NF1: variants seen among roughly 807,000 people sequenced by gnomAD.
The protein encoded by NF1 is neurofibromin 1.
Under a neutral mutation model 325.7 loss-of-function variants are expected in NF1, and 122 were observed. That is an observed-to-expected ratio of 0.37 (90% CI 0.32 to 0.44). NF1 has a LOEUF of 0.44. Among genes scored for constraint, NF1 ranks in the 20% least tolerant of loss-of-function variants. The pLI, the probability that NF1 is intolerant of heterozygous loss-of-function variation, is 1.00. For missense variants in NF1, 2,140 were observed against 3,415.4 expected, an observed-to-expected ratio of 0.63 and a Z score of 9.31; for synonymous variants, 1,091 against 1,186.0, an observed-to-expected ratio of 0.92 and a Z score of 1.65.
rs1343998513 is a variant in NF1, at chr17:31,095,142, G to A, written c.-168G>A. On this transcript the variant is annotated 5_prime_UTR_variant, in exon 1 of 58. Coordinates refer to ENST00000358273, the MANE Select transcript of NF1 (RefSeq NM_001042492.3). ...CGCCCCCTTTCCCTCTCCCCCTCCC[G>A]CTCGGCGCTGACCCCCCATCCCCAC... is the stretch of plus-strand genomic sequence containing the variant. 2 of 143,240 alleles carry A rather than the reference G, an allele frequency of 1.4e-5. No individual in the cohort carries two copies. Among genetic ancestry groups the A allele is most frequent in the South Asian group, 8.4e-5 (1 of 11,948 alleles). The allele number at this position is 143,240 out of a possible 1,614,324, so 8.9% of individuals were successfully genotyped here.
Position 31,326,063 on chromosome 17 carries a change from T to C in NF1, c.5079T>C (p.His1693=), listed in dbSNP as rs1555533365. The C allele has an allele frequency of 6.2e-7, 1 of 1,614,144 alleles. No homozygotes were observed. Among genetic ancestry groups the C allele is most frequent in the Non-Finnish European group, 8.5e-7 (1 of 1,179,988 alleles). Residue 1693 remains histidine (H), a synonymous_variant, in exon 37 of 58, where the codon CAT becomes CAC. Transcript: ENST00000358273. ...NSWVREYTKY[H]ERLLTGLKGS... ...GGGTCAGGGAGTACACCAAGTATCA[T>C]GAGCGGCTGCTGACTGGCCTCAAAG...
chr17:31,096,513 G>T (rs973943827), intron 1 of NF1, among the ~76,000 whole-genome samples: 2 of 152,180 alleles, frequency 1.3e-5, no homozygotes, highest in African/African-American at 4.8e-5. Context: ...AGGTAGTTGG[G>T]GATGGTTTAA....
chr17:31,181,672 A>G (rs190502576), intron 6 of NF1, 38 bp from the exon 7 acceptor site: 5 of 1,487,368 alleles, frequency 3.4e-6, no homozygotes, highest in Admixed American at 3.3e-5. Flanking sequence ...CTGTATTACA[A>G]AAAATCACTG....
chr17:31,222,001 C>T lies in NF1; in HGVS notation c.1721+72C>T, dbSNP rs369651443. Reference sequence around the variant, plus strand: ...GTATTTTTGTCTTGAAATATTAACTCTGTAGTACTTAGTACATTGTAAAAC... The same window carrying T: ...GTATTTTTGTCTTGAAATATTAACTTTGTAGTACTTAGTACATTGTAAAAC... On this transcript the variant is annotated intron_variant, in intron 15 of 57. Transcript: ENST00000358273. 2,186 of 1,485,772 alleles carry T rather than the reference C, an allele frequency of 1.5e-3. 4 individuals carry two copies. Among genetic ancestry groups the T allele is most frequent in the Non-Finnish European group, 1.8e-3 (1,977 of 1,113,370 alleles). The allele number at this position is 1,485,772 out of a possible 1,614,324, so 92.0% of individuals were successfully genotyped here. A position where few individuals can be genotyped will look rare whatever the true frequency, so the allele number is the denominator to read the frequency against.
At position 31,358,614 on chromosome 17, in the gene NF1, A is replaced by T. The variant is rs201824349; in HGVS notation, c.8105A>T (p.Tyr2702Phe). ...EESPPQYQTS[Y>F]LQSFGFNGLW... Reference sequence around the variant, plus strand: ...TCCCCACCACAATACCAAACATCTTACCTGCAAAGTAAATAAATGTATCTG... The same window carrying T: ...TCCCCACCACAATACCAAACATCTTTCCTGCAAAGTAAATAAATGTATCTG... The change falls in exon 55 of 58, where the codon TAC becomes TTC. Residue 2702 changes from tyrosine (Y) to phenylalanine (F), a missense_variant. Transcript: ENST00000358273. The T allele has an allele frequency of 8.1e-5, 130 of 1,613,916 alleles. No homozygotes were observed. Among genetic ancestry groups the T allele is most frequent in the Non-Finnish European group, 1.9e-5 (22 of 1,179,956 alleles).
At chr17:31,265,756 C>G (rs1359460419) in intron 36 of NF1, among the ~76,000 whole-genome samples, 2 of 151,996 alleles carry the variant, frequency 1.3e-5, no homozygotes, top group African/African-American at 4.8e-5. Flanking sequence ...TGTAAGACAG[C>G]ATCAGGATGA....
intron 1 of NF1, among the ~76,000 whole-genome samples, chr17:31,120,783 A>AT (rs1179165727): frequency 1.4e-5 from 2 of 147,058 alleles, no homozygotes; most frequent in African/African-American, 5.4e-5. Flanking sequence ...AACTTAAAGT[A>AT]TTTAAAAAAA....
At chr17:31,215,713 G>A (rs1388474609) in intron 13 of NF1, among the ~76,000 whole-genome samples, 1 of 152,166 alleles carries the variant, frequency 6.6e-6, no homozygotes, top group Non-Finnish European at 1.5e-5. Context: ...CCTTTGTTGA[G>A]CTTCTTCAGT....
At chr17:31,205,681 C>A (rs565632493) in intron 11 of NF1, among the ~76,000 whole-genome samples, 3 of 152,128 alleles carry the variant, frequency 2.0e-5, no homozygotes, top group African/African-American at 7.2e-5. Context: ...GTCATCATTG[C>A]ATATCAATTT....
intron 1 of NF1, among the ~76,000 whole-genome samples, chr17:31,114,884 G>A (rs1333546453): frequency 6.6e-6 from 1 of 152,082 alleles, no homozygotes; most frequent in East Asian, 1.9e-4. Flanking sequence ...ACAAATCTTT[G>A]GTGGTCCTGC....
At chr17:31,302,995 A>G (rs2068610957) in intron 36 of NF1, among the ~76,000 whole-genome samples, 1 of 152,232 alleles carries the variant, frequency 6.6e-6, no homozygotes, top group African/African-American at 2.4e-5. Flanking sequence ...AATGGTCAGT[A>G]AAGATGGCTT....
In NF1 at chr17:31,148,129, T is replaced by C. The variant is rs564818271; in HGVS notation, c.61-7854T>C. Among the ~76,000 whole-genome samples, 7 of 152,318 alleles carry C rather than the reference T, an allele frequency of 4.6e-5. No homozygotes were observed. In the South Asian group the frequency reaches 8.3e-4, roughly 18 times the overall value. ...CTCTCTGAATTCTTCAAACAGGTGA[T>C]TTTTATATTTCATCTTTTGTTAGAA... On this transcript the variant is annotated intron_variant, in intron 1 of 57. Transcript: ENST00000358273.
intron 20 of NF1, among the ~76,000 whole-genome samples, chr17:31,228,308 C>T (rs1188403916): frequency 2.0e-5 from 3 of 152,104 alleles, no homozygotes; most frequent in Non-Finnish European, 4.4e-5. Flanking sequence ...GGTTGTTCCT[C>T]CATGGTGTTT....
chr17:31,334,433 T>A (rs574079786), intron 39 of NF1, among the ~76,000 whole-genome samples: 42 of 152,306 alleles, frequency 2.8e-4, no homozygotes, highest in South Asian at 1.9e-3. Flanking sequence ...AAATGTACAT[T>A]AACTCTACAT....
At chr17:31,193,476 A>G (rs956958378) in intron 8 of NF1, among the ~76,000 whole-genome samples, 1 of 152,180 alleles carries the variant, frequency 6.6e-6, no homozygotes, top group African/African-American at 2.4e-5. Flanking sequence ...CCCAGCTTGA[A>G]TGTACCATAT....
intron 36 of NF1, among the ~76,000 whole-genome samples, chr17:31,265,902 C>T (rs1192401798): frequency 6.6e-6 from 1 of 152,070 alleles, no homozygotes; most frequent in African/African-American, 2.4e-5. Flanking sequence ...ATGTTGTGAG[C>T]TCTTCCTTAA....
intron 1 of NF1, among the ~76,000 whole-genome samples, chr17:31,153,161 T>C (rs931122824): frequency 6.6e-6 from 1 of 152,234 alleles, no homozygotes; most frequent in Non-Finnish European, 1.5e-5. Context: ...CAGTGTGGGC[T>C]AGAACTGTGC....
At chr17:31,242,022 GT>G (rs554035471) in intron 29 of NF1, among the ~76,000 whole-genome samples, 98 of 146,512 alleles carry the variant, frequency 6.7e-4, no homozygotes, top group South Asian at 3.4e-3. Context: ...TAAGGTAAAA[GT>G]TTTTTTTTTT....
chr17:31,298,347 T>TA (rs761136769), intron 36 of NF1, among the ~76,000 whole-genome samples: 4 of 152,232 alleles, frequency 2.6e-5, no homozygotes, highest in South Asian at 4.1e-4. Flanking sequence ...CAAATAAAGT[T>TA]ACGGTATTTT....
Sources: gnomAD v4.1 joint callset for allele counts (sites outside exome capture counted in the v4.1 genomes callset) on GRCh38, gnomAD v4.1.1 for gene constraint, MANE v1.5 for transcripts, NCBI Gene and HGNC (gene_info 2026-07-23, HGNC 2026-07-21) for gene names.